Variants in CTNNA2 observed in about 807,000 individuals in gnomAD.
The protein encoded by CTNNA2 is catenin alpha-2.
CTNNA2 carries 42 observed loss-of-function variants against 101.0 expected under a neutral mutation model. The ratio of observed to expected loss-of-function variants is 0.42; its 90% CI spans 0.32 to 0.54. The LOEUF is 0.54. Ranked by LOEUF, CTNNA2 falls within the 20% of genes least tolerant of loss-of-function variation. CTNNA2 has a pLI of 0.14. For synonymous variants in CTNNA2, 450 were observed against 456.4 expected (o/e 0.99, Z 0.18); for missense variants, 871 against 1,223.1 (o/e 0.71, Z 4.29).
intron 7 of CTNNA2, among the ~76,000 whole-genome samples, chr2:80,130,603 G>C (rs961012190): frequency 2.0e-5 from 3 of 152,158 alleles, no homozygotes; most frequent in Non-Finnish European, 2.9e-5. Flanking sequence ...TAAACGACAG[G>C]GAACACAGTC....
At chr2:79,647,154 G>C (rs951024778) in intron 1 of CTNNA2, among the ~76,000 whole-genome samples, 2 of 152,118 alleles carry the variant, frequency 1.3e-5, no homozygotes, top group East Asian at 3.9e-4. Flanking sequence ...AAGATGAAGG[G>C]CTCGTGAGAC....
intron 7 of CTNNA2, among the ~76,000 whole-genome samples, chr2:79,928,505 G>C (rs13421456): frequency 2.0e-5 from 3 of 152,040 alleles, no homozygotes; most frequent in Admixed American, 6.6e-5. Context: ...CATTGTGGTC[G>C]TTCAGGTTGT....
intron 2 of CTNNA2, among the ~76,000 whole-genome samples, chr2:79,740,586 A>G (rs540383318): frequency 6.6e-6 from 1 of 152,316 alleles, no homozygotes; most frequent in South Asian, 2.1e-4. Flanking sequence ...AACATTTATA[A>G]ACATATATTC....
At chr2:79,450,166 CT>C (rs542468883) in intron 4 of CTNNA2, among the ~76,000 whole-genome samples, 44 of 147,498 alleles carry the variant, frequency 3.0e-4, no homozygotes, top group African/African-American at 3.7e-4. Context: ...GAACATTTTC[CT>C]TTTTTTTTTA....
intron 18 of CTNNA2, among the ~76,000 whole-genome samples, chr2:80,639,963 G>T (rs193030562): frequency 1.4e-4 from 21 of 152,012 alleles, no homozygotes; most frequent in African/African-American, 5.1e-4. Flanking sequence ...TTAGCCAGGC[G>T]TGGTGGCACA....
intron 6 of CTNNA2, among the ~76,000 whole-genome samples, chr2:79,897,354 A>G (rs1376509279): frequency 6.6e-6 from 1 of 151,560 alleles, no homozygotes; most frequent in Admixed American, 6.6e-5. Context: ...AGATAAATTT[A>G]AAGTCTCGAT....
chr2:80,322,494 T>C (rs1265795853), intron 7 of CTNNA2, among the ~76,000 whole-genome samples: 1 of 151,974 alleles, frequency 6.6e-6, no homozygotes, highest in Non-Finnish European at 1.5e-5. Context: ...AATTGTTCCC[T>C]TGCTTGGGCG....
At chr2:79,915,766 A>T (rs539675729) in intron 7 of CTNNA2, among the ~76,000 whole-genome samples, 3 of 152,196 alleles carry the variant, frequency 2.0e-5, no homozygotes, top group Non-Finnish European at 2.9e-5. Context: ...GTTTATTTAT[A>T]TTCATTTTCT....
At chr2:80,446,704 C>T (rs1056035426) in intron 9 of CTNNA2, among the ~76,000 whole-genome samples, 7 of 152,098 alleles carry the variant, frequency 4.6e-5, no homozygotes, top group African/African-American at 1.4e-4. Flanking sequence ...CAGGACGTTT[C>T]AACAAGTTGG....
intron 18 of CTNNA2, among the ~76,000 whole-genome samples, chr2:80,629,153 A>G (rs910497421): frequency 3.3e-5 from 5 of 152,108 alleles, no homozygotes; most frequent in African/African-American, 2.4e-5. Context: ...AAAAGACTAT[A>G]TAGTCTTTTG....
At chr2:80,117,455 A>AGTGTGTGT (rs59521287) in intron 7 of CTNNA2, among the ~76,000 whole-genome samples, 69,458 of 145,714 alleles carry the variant, frequency 0.48, 17,188 homozygotes, top group East Asian at 0.61. Context: ...TTCCTGTGTG[A>AGTGTGTGT]GTGTGTGTGT....
At chr2:79,279,630 T>TA (rs1351201086) in intron 2 of CTNNA2, among the ~76,000 whole-genome samples, 1 of 152,132 alleles carries the variant, frequency 6.6e-6, no homozygotes, top group African/African-American at 2.4e-5. Flanking sequence ...AAAGGAAAAT[T>TA]AGACAGAATG....
In CTNNA2 at chr2:80,559,878, T is replaced by TATCTATCTATCTATCTATC. The variant is rs1693393440; in HGVS notation, c.1741+3985_1741+3986insATCTATCTATCTATCTATC. Among the ~76,000 whole-genome samples the TATCTATCTATCTATCTATC allele has an allele frequency of 3.0e-3, 343 of 113,970 alleles. 5 individuals carry two copies. Among genetic ancestry groups the TATCTATCTATCTATCTATC allele is most frequent in the African/African-American group, 9.9e-3 (328 of 33,084 alleles). The allele number at this position is 113,970 out of a possible 152,430, so 74.8% of individuals were successfully genotyped here. A position where few individuals can be genotyped will look rare whatever the true frequency, so the allele number is the denominator to read the frequency against. On this transcript the variant is annotated intron_variant, in intron 12 of 18. Coordinates refer to ENST00000402739, the MANE Select transcript of CTNNA2 (RefSeq NM_001282597.3). The stretch of plus-strand genomic sequence containing the variant: ...GAAAGCACATTCAGCGATATCATAT[T>TATCTATCTATCTATCTATC]TATATATATATATACACACACATAC...
chr2:79,792,377 T>C (rs1675345442), intron 3 of CTNNA2, among the ~76,000 whole-genome samples: 1 of 152,204 alleles, frequency 6.6e-6, no homozygotes, highest in African/African-American at 2.4e-5. Flanking sequence ...CAGAGTTCCT[T>C]TCCTGTAATA....
At chr2:79,803,196 C>T (rs1389031606) in intron 3 of CTNNA2, among the ~76,000 whole-genome samples, 1 of 152,008 alleles carries the variant, frequency 6.6e-6, no homozygotes, top group African/African-American at 2.4e-5. Context: ...TTTTGCAATC[C>T]TGAAAAAAAT....
At chr2:80,547,607 G>A (rs1299083953) in intron 11 of CTNNA2, among the ~76,000 whole-genome samples, 1 of 151,014 alleles carries the variant, frequency 6.6e-6, no homozygotes, top group Admixed American at 6.6e-5. Flanking sequence ...TGTTTTTGAT[G>A]ACTTGTGAAA....
At chr2:79,646,348 CTT>C (rs1426441616) in intron 1 of CTNNA2, among the ~76,000 whole-genome samples, 2 of 152,056 alleles carry the variant, frequency 1.3e-5, no homozygotes, top group Non-Finnish European at 2.9e-5. Flanking sequence ...TTTACTCTGA[CTT>C]TTCTTTTCTG....
intron 18 of CTNNA2, among the ~76,000 whole-genome samples, chr2:80,645,940 G>A (rs1018256752): frequency 2.6e-5 from 4 of 152,042 alleles, no homozygotes; most frequent in Non-Finnish European, 2.9e-5. Flanking sequence ...AAGCTTTTCT[G>A]GTGATGGAAA....
intron 2 of CTNNA2, among the ~76,000 whole-genome samples, chr2:79,716,535 A>G (rs1686115651): frequency 6.6e-6 from 1 of 152,036 alleles, no homozygotes; most frequent in Non-Finnish European, 1.5e-5. Context: ...TTCAGCTCCC[A>G]CTGATAAGTG....
Sources: gnomAD v4.1 joint callset for allele counts (sites outside exome capture counted in the v4.1 genomes callset) on GRCh38, gnomAD v4.1.1 for gene constraint, MANE v1.5 for transcripts, NCBI Gene and HGNC (gene_info 2026-07-23, HGNC 2026-07-21) for gene names.